DNPEP: variants seen among roughly 807,000 people sequenced by gnomAD.
DNPEP encodes the protein aspartyl aminopeptidase.
Under a neutral mutation model 59.1 loss-of-function variants are expected in DNPEP, and 46 were observed. The observed-to-expected ratio is 0.78, with a 90% confidence interval of 0.61 to 0.99. The LOEUF (loss-of-function observed/expected upper bound fraction) is 0.99, where lower values mean the gene tolerates loss of function less well. Ranked by LOEUF, DNPEP falls within the 50% of genes least tolerant of loss-of-function variation. The pLI, the probability that DNPEP is intolerant of heterozygous loss-of-function variation, is 0.00. For synonymous variants in DNPEP, 229 were observed against 242.2 expected (o/e 0.95, Z 0.50); for missense variants, 617 against 649.9 (o/e 0.95, Z 0.55).
intron 13 of DNPEP, among the ~76,000 whole-genome samples, chr2:219,378,037 A>G (rs912637725): frequency 1.3e-5 from 2 of 152,202 alleles, no homozygotes; most frequent in African/African-American, 4.8e-5. Flanking sequence ...AAAAAAGTGT[A>G]TATGAAGTTT....
intron 1 of DNPEP, chr2:219,399,764 T>G: frequency 1.0e-6 from 1 of 956,868 alleles, no homozygotes; most frequent in Non-Finnish European, 1.6e-6. Flanking sequence ...CATTCATCTC[T>G]TTATCCCCAT....
intron 13 of DNPEP, among the ~76,000 whole-genome samples, chr2:219,378,152 T>C (rs2125128666): frequency 6.6e-6 from 1 of 152,372 alleles, no homozygotes; most frequent in African/African-American, 2.4e-5. Context: ...ACATGTGTCC[T>C]ACTTCTGCTG....
intron 9 of DNPEP, 69 bp downstream of exon 9, chr2:219,384,297 C>T: frequency 6.8e-7 from 1 of 1,472,506 alleles, no homozygotes; most frequent in Non-Finnish European, 9.3e-7. Flanking sequence ...CTTTAGGCAG[C>T]TCCCCCGACC....
intron 1 of DNPEP, among the ~76,000 whole-genome samples, chr2:219,396,502 C>T (rs1954099370): frequency 6.6e-6 from 1 of 151,684 alleles, no homozygotes; most frequent in Non-Finnish European, 1.5e-5. Context: ...GCAGGAGAAT[C>T]GCATGAACTT....
chr2:219,392,664 A>G (rs938723469), upstream of DNPEP, among the ~76,000 whole-genome samples: 1 of 152,128 alleles, frequency 6.6e-6, no homozygotes, highest in Admixed American at 6.5e-5. Context: ...ACGCATCACC[A>G]TGCCTGGCTC....
At chr2:219,388,970 A>C (rs1953965314), upstream of DNPEP, 1 of 672,242 alleles carries the variant, frequency 1.5e-6, no homozygotes, top group African/African-American at 2.0e-5. Context: ...TTTGAACTCC[A>C]TCAGTTTGAT....
At chr2:219,378,788 T>C (rs763276337) in intron 13 of DNPEP, among the ~76,000 whole-genome samples, 7 of 152,230 alleles carry the variant, frequency 4.6e-5, no homozygotes, top group Non-Finnish European at 8.8e-5. Context: ...TTTGTGGCGA[T>C]GCCGGCGTAA....
intron 6 of DNPEP, 21 bp downstream of exon 6, chr2:219,385,947 G>A (rs1165216469): frequency 3.1e-6 from 5 of 1,612,896 alleles, no homozygotes; most frequent in Non-Finnish European, 3.4e-6. Flanking sequence ...CCCAGCCACC[G>A]CAGCCCTGCC....
intron 1 of DNPEP, among the ~76,000 whole-genome samples, chr2:219,393,956 C>T (rs1407430107): frequency 1.3e-5 from 2 of 152,132 alleles, no homozygotes; most frequent in East Asian, 3.8e-4. Context: ...CTCTTCTTCC[C>T]TTTCTCCTGC....
In DNPEP at chr2:219,386,776, G is replaced by T. The variant is rs1953859859; in HGVS notation, c.222C>A (p.Tyr74Ter). Residue 74 changes from tyrosine (Y) to a stop codon, truncating the protein, a stop_gained and splice_region_variant, in exon 4 of 15, where the codon TAC (tyrosine) becomes TAA (stop). Coordinates refer to ENST00000273075, the MANE Select transcript of DNPEP (RefSeq NM_012100.4). LOFTEE classifies it high-confidence loss of function. ...EKWNIKPESK[Y>*]FMTRNSSTII... ...TGGTGGAGGAGTTCCTGGTCATGAA[G>T]TACTGAGGAGAAGGGGAGGAAAGAC... The T allele has an allele frequency of 6.2e-7, 1 of 1,612,996 alleles. No individual in the cohort carries two copies. The highest frequency in any genetic ancestry group is 8.5e-7 in the Non-Finnish European group (1 of 1,179,432).
chr2:219,399,577 G>C, intron 1 of DNPEP: 2 of 618,832 alleles, frequency 3.2e-6, no homozygotes, highest in Non-Finnish European at 6.0e-6. Context: ...TGTGCCGATG[G>C]GTGGGCTGCC....
intron 10 of DNPEP, among the ~76,000 whole-genome samples, chr2:219,382,675 T>C (rs945657747): frequency 6.6e-6 from 1 of 152,208 alleles, no homozygotes. Flanking sequence ...TGGCCAGAGC[T>C]GGAACGGCCA....
Position 219,386,880 on chromosome 2 carries a change from C to T in DNPEP, c.219+12G>A. The T allele has an allele frequency of 6.2e-7, 1 of 1,610,884 alleles. No homozygotes were observed. The highest frequency in any genetic ancestry group is 8.5e-7 in the Non-Finnish European group (1 of 1,177,084). ...GGGACCTGCCTTTCCACCCCCACCCCACCCCCAGTACCTTGCTCTCGGGCT... is the reference window on the plus strand; with the variant it reads ...GGGACCTGCCTTTCCACCCCCACCCTACCCCCAGTACCTTGCTCTCGGGCT... On this transcript the variant is annotated intron_variant, in intron 3 of 14. Coordinates refer to ENST00000273075, the MANE Select transcript of DNPEP (RefSeq NM_012100.4).
upstream of DNPEP, among the ~76,000 whole-genome samples, chr2:219,390,841 T>A (rs1378477702): frequency 6.6e-6 from 1 of 151,978 alleles, no homozygotes; most frequent in Non-Finnish European, 1.5e-5. Flanking sequence ...AAAAAAAAAA[T>A]TAATAAATAA....
At chr2:219,382,312 C>A (rs1013543021) in intron 10 of DNPEP, among the ~76,000 whole-genome samples, 173 bp from the exon 11 acceptor site, 2 of 152,190 alleles carry the variant, frequency 1.3e-5, no homozygotes, top group Admixed American at 1.3e-4. Context: ...GGGCTGAGAC[C>A]AAACTAACTC....
chr2:219,383,794 C>A (rs994864992), intron 9 of DNPEP, among the ~76,000 whole-genome samples: 1 of 152,094 alleles, frequency 6.6e-6, no homozygotes. Flanking sequence ...CAATTACAGC[C>A]CAAAGCCTAT....
At position 219,385,505 on chromosome 2, in the gene DNPEP, C is replaced by T; in HGVS notation, c.693G>A (p.Met231Ile). The T allele has an allele frequency of 1.2e-6, 2 of 1,605,050 alleles. No homozygotes were observed. The highest frequency in any genetic ancestry group is 1.7e-6 in the Non-Finnish European group (2 of 1,172,632). The change falls in exon 8 of 15, where the codon ATG (methionine) becomes ATA (isoleucine). Residue 231 changes from methionine (M) to isoleucine (I), a missense_variant. Met to Ile is a conservative substitution (Grantham distance 10). Transcript: ENST00000273075. ...AVDERHHSVLMSLLCAHLGLS... is the reference protein window; with the variant it reads ...AVDERHHSVLISLLCAHLGLS... Reference sequence around the variant, plus strand: ...GCCCCAGATGGGCACAGAGCAGGGACATGAGGACCGAATGGTGCCGCTCAT... The same window carrying T: ...GCCCCAGATGGGCACAGAGCAGGGATATGAGGACCGAATGGTGCCGCTCAT...
chr2:219,387,346 C>T, intron 1 of DNPEP, 183 bp from the exon 2 acceptor site: 4 of 1,444,280 alleles, frequency 2.8e-6, no homozygotes, highest in South Asian at 1.5e-5. Flanking sequence ...AGCTTCAGCC[C>T]GCCGGCCCAG....
chr2:219,374,649 TC>T (rs1428681985), intron 14 of DNPEP, among the ~76,000 whole-genome samples: 3 of 152,176 alleles, frequency 2.0e-5, no homozygotes, highest in African/African-American at 7.2e-5. Flanking sequence ...CCTCAAGCAA[TC>T]CTCCCACCTC....
Sources: allele counts gnomAD v4.1 joint callset (sites outside exome capture counted in the v4.1 genomes callset), GRCh38; gene constraint gnomAD v4.1.1; transcripts MANE v1.5; gene names NCBI Gene and HGNC (gene_info 2026-07-23, HGNC 2026-07-21).